The following ATG13 variants were observed in gnomAD, a reference collection of about 807,000 sequenced individuals.
ATG13 encodes autophagy-related protein 13.
ATG13 carries 23 observed loss-of-function variants against 65.5 expected under a neutral mutation model. That is an observed-to-expected ratio of 0.35 (90% CI 0.25 to 0.50). The LOEUF is 0.50. ATG13 is among the 20% of genes least tolerant of loss of function. The pLI is 0.98. For synonymous variants in ATG13, 252 were observed against 245.2 expected (o/e 1.03, Z -0.26); for missense variants, 566 against 677.0 (o/e 0.84, Z 1.82).
At chr11:46,652,258 A>G (rs1053140756) in intron 7 of ATG13, among the ~76,000 whole-genome samples, 19 of 151,924 alleles carry the variant, frequency 1.3e-4, no homozygotes, top group African/African-American at 4.6e-4. Flanking sequence ...AAAAAAACCC[A>G]AACAAACTAG....
chr11:46,644,437 T>C (rs1157084845), intron 3 of ATG13, 77 bp downstream of exon 3: 1 of 1,286,838 alleles, frequency 7.8e-7, no homozygotes, highest in Non-Finnish European at 1.1e-6. Flanking sequence ...ACAACTCTCT[T>C]TGGAAAGTAG....
In ATG13 at chr11:46,674,078, C is replaced by G. The variant is rs974693955; in HGVS notation, c.*1746C>G. On this transcript the variant is annotated 3_prime_UTR_variant, in exon 19 of 19. Transcript: ENST00000683050. Reference sequence around the variant, plus strand: ...CTGAACCCAGGCTCAGGTTTATCCCCAAGGCCCCAGCTTTGAGAAGGGGGA... The same window carrying G: ...CTGAACCCAGGCTCAGGTTTATCCCGAAGGCCCCAGCTTTGAGAAGGGGGA... The G allele has an allele frequency of 3.3e-5, 5 of 152,244 alleles. No homozygotes were observed. Among genetic ancestry groups the G allele is most frequent in the Admixed American group, 1.3e-4 (2 of 15,284 alleles). 9.4% of individuals were successfully genotyped at this position (152,244 alleles called of 1,614,324 possible). A position where few individuals can be genotyped will look rare whatever the true frequency, so the allele number is the denominator to read the frequency against.
chr11:46,665,363 C>T lies in ATG13; in HGVS notation c.1000-20C>T, dbSNP rs1258781610. On this transcript the variant is annotated intron_variant, in intron 13 of 18. Coordinates refer to ENST00000683050, the MANE Select transcript of ATG13 (RefSeq NM_001346311.2). Reference sequence around the variant, plus strand: ...CCTGGCATGCCATGATTCACTGTCTCTTTCCATTTTTCCCCAAAGCTGATG... The same window carrying T: ...CCTGGCATGCCATGATTCACTGTCTTTTTCCATTTTTCCCCAAAGCTGATG... 2 of 1,611,582 alleles carry T rather than the reference C, an allele frequency of 1.2e-6. No individual in the cohort carries two copies.
intron 2 of ATG13, among the ~76,000 whole-genome samples, chr11:46,641,254 T>G (rs1047155787): frequency 6.6e-6 from 1 of 152,140 alleles, no homozygotes; most frequent in Admixed American, 6.6e-5. Context: ...GTATTTTTAG[T>G]AGAGACGGGG....
Position 46,625,732 on chromosome 11 carries a change from C to A in ATG13, c.-69-4313C>A, listed in dbSNP as rs144128006. On this transcript the variant is annotated intron_variant, in intron 1 of 18. Transcript: ENST00000683050. Reference sequence around the variant, plus strand: ...GAACAGAGATTAACCTGCACATTATCTTGTGAAAGGGTCCATTTAGGTGTG... The same window carrying A: ...GAACAGAGATTAACCTGCACATTATATTGTGAAAGGGTCCATTTAGGTGTG... Among the ~76,000 whole-genome samples the A allele has an allele frequency of 4.1e-4, 62 of 152,258 alleles. No individual in the cohort carries two copies. The East Asian group carries it at 0.011, about 28-fold the overall frequency.
chr11:46,657,510 T>C lies in ATG13; in HGVS notation c.597-14T>C. ...CATTCTAACAAATACTGGAATCTGC[T>C]TATTGTATTACAGGCAATTTGAGAG... is the stretch of plus-strand genomic sequence containing the variant. On this transcript the variant is annotated splice_polypyrimidine_tract_variant and intron_variant, in intron 9 of 18. Transcript: ENST00000683050. 6.2e-7 allele frequency: 1 copy of C among 1,608,576 alleles called. No individual in the cohort carries two copies. The highest frequency in any genetic ancestry group is 8.5e-7 in the Non-Finnish European group (1 of 1,174,918).
Position 46,674,134 on chromosome 11 carries a change from A to G in ATG13, c.*1802A>G, listed in dbSNP as rs2064300487. The G allele has an allele frequency of 6.6e-6, 1 of 152,158 alleles. No homozygotes were observed. The highest frequency in any genetic ancestry group is 2.1e-4 in the South Asian group (1 of 4,826). 9.4% of individuals were successfully genotyped at this position (152,158 alleles called of 1,614,324 possible). A position where few individuals can be genotyped will look rare whatever the true frequency, so the allele number is the denominator to read the frequency against. ...CCTGGTAAGTTATTGATGCCCCCAT[A>G]TTTCAGCTACTGCTCTCTTTCCAAG... On this transcript the variant is annotated 3_prime_UTR_variant, in exon 19 of 19. Transcript: ENST00000683050.
At chr11:46,670,346 T>A (rs2063426096) in intron 18 of ATG13, among the ~76,000 whole-genome samples, 1 of 151,070 alleles carries the variant, frequency 6.6e-6, no homozygotes, top group Admixed American at 6.6e-5. Context: ...CCAGGCATGG[T>A]GGCGGGCACC....
At position 46,622,114 on chromosome 11, in the gene ATG13, TATATATA is replaced by T. The variant is rs1565398533; in HGVS notation, c.-70+4225_-70+4231del. On this transcript the variant is annotated intron_variant, in intron 1 of 18. Transcript: ENST00000683050. Reference sequence around the variant, plus strand: ...ATATATATATATATATATATATATATATATATATATATATTTATTTTAGAGATGGTAT... The same window carrying T: ...ATATATATATATATATATATATATATTATATATTTATTTTAGAGATGGTAT... Among the ~76,000 whole-genome samples, 105 of 89,126 alleles carry T rather than the reference TATATATA, an allele frequency of 1.2e-3. 1 individual carries two copies. Among genetic ancestry groups the T allele is most frequent in the African/African-American group, 5.3e-3 (103 of 19,574 alleles). The allele number at this position is 89,126 out of a possible 152,430, so 58.5% of individuals were successfully genotyped here. A position where few individuals can be genotyped will look rare whatever the true frequency, so the allele number is the denominator to read the frequency against.
At chr11:46,657,387 G>GT (rs1241050804) in intron 9 of ATG13, 137 bp from the exon 10 acceptor site, 2 of 993,320 alleles carry the variant, frequency 2.0e-6, no homozygotes, top group Non-Finnish European at 1.5e-6. Flanking sequence ...AGGATTGGTG[G>GT]TTTATATTTA....
In ATG13 at chr11:46,644,288, G is replaced by A; in HGVS notation, c.-4G>A. 1 of 1,594,618 alleles carries A rather than the reference G, an allele frequency of 6.3e-7. No homozygotes were observed. The highest frequency in any genetic ancestry group is 2.2e-5 in the East Asian group (1 of 44,594). On this transcript the variant is annotated 5_prime_UTR_variant, in exon 3 of 19. Transcript: ENST00000683050. The stretch of plus-strand genomic sequence containing the variant: ...CACTTTTTTTTTTTAGATTCCTATA[G>A]GCAATGGAAACTGATCTCAATTCCC...
chr11:46,649,461 T>G (rs140341222), intron 6 of ATG13, among the ~76,000 whole-genome samples: 2 of 152,364 alleles, frequency 1.3e-5, no homozygotes, highest in African/African-American at 2.4e-5. Flanking sequence ...AGAGTACAGC[T>G]AGTTCTCTGA....
chr11:46,671,699 A>G (rs2063764432), intron 18 of ATG13, among the ~76,000 whole-genome samples: 1 of 152,170 alleles, frequency 6.6e-6, no homozygotes, highest in Admixed American at 6.6e-5. Flanking sequence ...CTGAGATCAC[A>G]CCACAGCACT....
intron 1 of ATG13, among the ~76,000 whole-genome samples, chr11:46,628,785 A>G (rs1285853670): frequency 6.6e-6 from 1 of 152,160 alleles, no homozygotes; most frequent in African/African-American, 2.4e-5. Flanking sequence ...AATAAATTAT[A>G]TCCATTATAA....
intron 3 of ATG13, among the ~76,000 whole-genome samples, chr11:46,644,641 A>G (rs1449323206): frequency 1.3e-5 from 2 of 150,586 alleles, no homozygotes; most frequent in Admixed American, 6.6e-5. Context: ...ATGCCAGGTT[A>G]TTGGCACAGT....
chr11:46,640,608 A>G (rs1391097924), intron 2 of ATG13, among the ~76,000 whole-genome samples: 1 of 152,226 alleles, frequency 6.6e-6, no homozygotes, highest in East Asian at 1.9e-4. Context: ...TGAGGCTGCG[A>G]TCGTGCCACT....
chr11:46,646,998 G>T (rs894934076), intron 5 of ATG13, among the ~76,000 whole-genome samples: 1 of 152,060 alleles, frequency 6.6e-6, no homozygotes, highest in Admixed American at 6.6e-5. Context: ...GAGCTCAAGC[G>T]ATCTGCCTGC....
intron 1 of ATG13, among the ~76,000 whole-genome samples, chr11:46,619,988 C>T (rs1290222461): frequency 6.8e-6 from 1 of 147,808 alleles, no homozygotes; most frequent in African/African-American, 2.5e-5. Context: ...TAGATCACGC[C>T]ATTGCACTCC....
intron 14 of ATG13, among the ~76,000 whole-genome samples, chr11:46,666,424 G>A (rs2062372498): frequency 6.6e-6 from 1 of 152,174 alleles, no homozygotes; most frequent in African/African-American, 2.4e-5. Context: ...TTTTTCTGCT[G>A]TGTCAGAGCC....
Sources: gnomAD v4.1 joint callset for allele counts (sites outside exome capture counted in the v4.1 genomes callset) on GRCh38, gnomAD v4.1.1 for gene constraint, MANE v1.5 for transcripts, NCBI Gene and HGNC (gene_info 2026-07-23, HGNC 2026-07-21) for gene names.